The following TRMO variants were observed in gnomAD, a reference collection of about 807,000 sequenced individuals.
The protein encoded by TRMO is tRNA (adenine(37)-N6)-methyltransferase.
TRMO carries 30 observed loss-of-function variants against 37.2 expected under a neutral mutation model. The observed-to-expected ratio is 0.81, with a 90% CI of 0.60 to 1.09. TRMO has a LOEUF of 1.09. Among genes scored for constraint, TRMO ranks in the 50% least tolerant of loss-of-function variants. The pLI is 0.00. For missense variants in TRMO, 552 were observed against 549.5 expected (o/e 1.00, Z -0.05); for synonymous variants, 239 against 199.4 (o/e 1.20, Z -1.67).
intron 2 of TRMO, chr9:97,913,834 T>C (rs1308960648): frequency 3.0e-6 from 1 of 331,002 alleles, no homozygotes; most frequent in Non-Finnish European, 5.6e-6. Flanking sequence ...CAACAAACAA[T>C]ATTTACTAAG....
downstream of TRMO, among the ~76,000 whole-genome samples, chr9:97,900,115 C>T (rs1000854938): frequency 2.0e-5 from 3 of 152,084 alleles, no homozygotes; most frequent in Non-Finnish European, 4.4e-5. Flanking sequence ...TAGGGACCCC[C>T]TAGATCCCCC....
At chr9:97,900,800 C>A, downstream of TRMO, 1 of 902,046 alleles carries the variant, frequency 1.1e-6, no homozygotes, top group East Asian at 1.2e-4. Flanking sequence ...AAAAACCCTA[C>A]CAACAAGAGG....
intron 3 of TRMO, chr9:97,913,176 A>G: frequency 2.2e-6 from 1 of 459,700 alleles, no homozygotes; most frequent in Non-Finnish European, 3.9e-6. Flanking sequence ...ATAGTTTTGG[A>G]TATATGCAAT....
Position 97,910,075 on chromosome 9 carries a change from A to G in TRMO, c.951T>C (p.Ala317=). 6.2e-7 allele frequency: 1 copy of G among 1,613,766 alleles called. No homozygotes were observed. The highest frequency in any genetic ancestry group is 8.5e-7 in the Non-Finnish European group (1 of 1,179,704). ...GAACCACGCTGCGGGGAGCTCCATC[A>G]GCCCTTCCAGCAGGGCAGTGAGGGG... ...PMAPHCPAGR[A]DGAPRSVVPA... is the part of the protein sequence containing the mutation. The change falls in exon 4 of 5, where the codon GCT becomes GCC. Residue 317 remains alanine, a synonymous_variant. Transcript: ENST00000375119.
chr9:97,897,414 GTTTTT>G, the TRMO span, among the ~76,000 whole-genome samples: 6 of 152,120 alleles, frequency 3.9e-5, no homozygotes, highest in Non-Finnish European at 5.9e-5. Context: ...TCTTCTCTGG[GTTTTT>G]TGTTTTGTTT....
chr9:97,910,157 T>G lies in TRMO; in HGVS notation c.869A>C (p.Glu290Ala). ...CAAGACTGCTGCTCCTTCCACTCTT[T>G]CTAGCTTCTTGTCTGTACCTTTCTC... is the stretch of plus-strand genomic sequence containing the variant. ...FSEKGTDKKL[E>A]RVEGAAVLQG... The change falls in exon 4 of 5, where the codon GAA (glutamate) becomes GCA (alanine). Residue 290 changes from glutamate (E) to alanine (A), a missense_variant. Coordinates refer to ENST00000375119, the MANE Select transcript of TRMO (RefSeq NM_016481.5). The G allele has an allele frequency of 1.2e-6, 2 of 1,614,234 alleles. No homozygotes were observed. Among genetic ancestry groups the G allele is most frequent in the Non-Finnish European group, 1.7e-6 (2 of 1,180,042 alleles).
At chr9:97,919,458 AAAAG>A (rs942091987) in intron 1 of TRMO, among the ~76,000 whole-genome samples, 4 of 152,278 alleles carry the variant, frequency 2.6e-5, no homozygotes, top group East Asian at 1.9e-4. Context: ...GAAAGAAAAG[AAAAG>A]AAAGAGAGAA....
At chr9:97,911,115 A>T (rs1490702584) in intron 3 of TRMO, 2 of 295,708 alleles carry the variant, frequency 6.8e-6, no homozygotes, top group Non-Finnish European at 1.4e-5. Context: ...CAGATCCAAA[A>T]GTGGCCCTGT....
rs780265873 is a variant in TRMO at position 97,910,567 on chromosome 9, T to C, written c.459A>G (p.Val153=). ...CAGCTATGTAGGGCTTGATGTCTAG[T>C]ACGGGTGTGCCATGTATCATGTCAA... ...SGIDMIHGTP[V]LDIKPYIAEY... The change falls in exon 4 of 5, where the codon GTA becomes GTG. Residue 153 remains valine, a synonymous_variant. Coordinates refer to ENST00000375119, the MANE Select transcript of TRMO (RefSeq NM_016481.5). The C allele has an allele frequency of 4.3e-6, 7 of 1,614,124 alleles. No homozygotes were observed. The Admixed American group carries it at 8.3e-5, about 19-fold the overall frequency.
At chr9:97,900,437 T>C (rs1831144024), downstream of TRMO, among the ~76,000 whole-genome samples, 1 of 152,248 alleles carries the variant, frequency 6.6e-6, no homozygotes, top group Non-Finnish European at 1.5e-5. Flanking sequence ...CCTGTGGGAA[T>C]GGGCGTTTCT....
chr9:97,897,691 C>G, the TRMO span, among the ~76,000 whole-genome samples: 4 of 151,980 alleles, frequency 2.6e-5, no homozygotes, highest in African/African-American at 4.8e-5. Context: ...GTGTTTAGCA[C>G]GTGGATAACT....
At position 97,910,400 on chromosome 9, in the gene TRMO, G is replaced by T. The variant is rs775973178; in HGVS notation, c.626C>A (p.Pro209Gln). The T allele has an allele frequency of 4.3e-6, 7 of 1,614,036 alleles. No homozygotes were observed. Residue 209 changes from proline to glutamine, a missense_variant, in exon 4 of 5, where the codon CCA (proline) becomes CAA (glutamine). Transcript: ENST00000375119. Reference sequence around the variant, plus strand: ...CCTCTTAGTGCTATGGTGGGGTTGTGGCTCATCACACCCTGAGAGCTGTCG... The same window carrying T: ...CCTCTTAGTGCTATGGTGGGGTTGTTGCTCATCACACCCTGAGAGCTGTCG... ...DQRQLSGCDE[P>Q]QPHHSTKRKP...
chr9:97,913,509 C>CT lies in TRMO; in HGVS notation c.300dup (p.Val101SerfsTer5). 1 of 1,613,894 alleles carries CT rather than the reference C, an allele frequency of 6.2e-7. No homozygotes were observed. The highest frequency in any genetic ancestry group is 8.5e-7 in the Non-Finnish European group (1 of 1,179,884). ...GCACCATTCAGCCTAGGAGGCTGCA[C>CT]TTTTGCCTTACAGCTCAAATGACCA... On this transcript the variant is annotated frameshift_variant, in exon 3 of 5. Coordinates refer to ENST00000375119, the MANE Select transcript of TRMO (RefSeq NM_016481.5). LOFTEE classifies it high-confidence loss of function.
chr9:97,911,733 G>A (rs1455701401), intron 3 of TRMO: 1 of 152,048 alleles, frequency 6.6e-6, no homozygotes, highest in African/African-American at 2.4e-5. Flanking sequence ...AAATACTAAA[G>A]ACAAGTCTCC....
chr9:97,920,996 C>T (rs1163102462), intron 1 of TRMO, among the ~76,000 whole-genome samples: 1 of 152,240 alleles, frequency 6.6e-6, no homozygotes, highest in Non-Finnish European at 1.5e-5. Flanking sequence ...GCTCCCCAAA[C>T]CTATACTGTG....
intron 1 of TRMO, among the ~76,000 whole-genome samples, chr9:97,917,251 TC>T (rs898000374): frequency 6.6e-5 from 10 of 152,198 alleles, no homozygotes; most frequent in Admixed American, 5.2e-4. Context: ...AGTAAGGATA[TC>T]TTCAATTGAA....
In TRMO at chr9:97,904,492, C is replaced by T. The variant is rs189377300; in HGVS notation, c.*241G>A. 7.6e-7 allele frequency: 1 copy of T among 1,311,108 alleles called. No individual in the cohort carries two copies. The highest frequency in any genetic ancestry group is 1.5e-5 in the African/African-American group (1 of 67,572). 81.2% of individuals were successfully genotyped at this position (1,311,108 alleles called of 1,614,324 possible). ...TTCAGAAATTATCGAGACAGCATCA[C>T]CTTTTGATTCTTTAATATCAACAGA... On this transcript the variant is annotated 3_prime_UTR_variant, in exon 5 of 5. Transcript: ENST00000375119.
At position 97,904,639 on chromosome 9, in the gene TRMO, T is replaced by C. The variant is rs780222868; in HGVS notation, c.*94A>G. 1 of 1,547,346 alleles carries C rather than the reference T, an allele frequency of 6.5e-7. No homozygotes were observed. The highest frequency in any genetic ancestry group is 8.7e-7 in the Non-Finnish European group (1 of 1,149,982). On this transcript the variant is annotated 3_prime_UTR_variant, in exon 5 of 5. Coordinates refer to ENST00000375119, the MANE Select transcript of TRMO (RefSeq NM_016481.5). ...CAATCAAAGCCATGAGATCACAAAG[T>C]GTTGCTTCTCGACACAACATTAGCT...
intron 1 of TRMO, among the ~76,000 whole-genome samples, chr9:97,917,311 A>C (rs1826415033): frequency 6.6e-6 from 1 of 152,244 alleles, no homozygotes; most frequent in Non-Finnish European, 1.5e-5. Flanking sequence ...AAGAGAGCTT[A>C]TAAGCTCATA....
Sources: gnomAD v4.1 joint callset for allele counts (sites outside exome capture counted in the v4.1 genomes callset) on GRCh38, gnomAD v4.1.1 for gene constraint, MANE v1.5 for transcripts, NCBI Gene and HGNC (gene_info 2026-07-23, HGNC 2026-07-21) for gene names.